The following TENT5B variants were observed in gnomAD, a reference collection of about 807,000 sequenced individuals.
TENT5B encodes terminal nucleotidyltransferase 5B.
Under a neutral mutation model 21.7 loss-of-function variants are expected in TENT5B, and 12 were observed. The ratio of observed to expected loss-of-function variants is 0.55; its 90% CI spans 0.36 to 0.90. TENT5B has a LOEUF of 0.90. Ranked by LOEUF, TENT5B falls within the 40% of genes least tolerant of loss-of-function variation. TENT5B has a pLI of 0.01. For missense variants in TENT5B, 540 were observed against 601.5 expected, an observed-to-expected ratio of 0.90 and a Z score of 1.07; for synonymous variants, 262 against 266.6, an observed-to-expected ratio of 0.98 and a Z score of 0.17.
chr1:27,009,061 C>T (rs1275728733), intron 1 of TENT5B, among the ~76,000 whole-genome samples: 1 of 126,394 alleles, frequency 7.9e-6, no homozygotes, highest in African/African-American at 3.0e-5. Context: ...TGCAGTGGCA[C>T]GATCTCAGCT....
intron 1 of TENT5B, 133 bp downstream of exon 1, chr1:27,012,274 G>C: frequency 7.3e-7 from 1 of 1,360,766 alleles, no homozygotes; most frequent in Non-Finnish European, 1.0e-6. Context: ...ATAATGCTGT[G>C]CAATTGTTAC....
chr1:27,010,980 T>C (rs1458745206), intron 1 of TENT5B, among the ~76,000 whole-genome samples: 1 of 152,050 alleles, frequency 6.6e-6, no homozygotes, highest in Non-Finnish European at 1.5e-5. Context: ...GGGTATCCCT[T>C]GTTCTTGCAG....
At position 27,005,343 on chromosome 1, in the gene TENT5B, G is replaced by C. The variant is rs2082591254; in HGVS notation, c.*601C>G. 6.5e-6 allele frequency: 1 copy of C among 152,750 alleles called. No individual in the cohort carries two copies. 9.5% of individuals were successfully genotyped at this position (152,750 alleles called of 1,614,324 possible). ...AACCCCTCAAGAGGAAGGCTTCACA[G>C]CTGGGGGTATGTAGTTCAGAGAACC... On this transcript the variant is annotated 3_prime_UTR_variant, in exon 2 of 2. Coordinates refer to ENST00000289166, the MANE Select transcript of TENT5B (RefSeq NM_052943.4).
In TENT5B at chr1:27,012,493, G is replaced by A; in HGVS notation, c.178C>T (p.Leu60=). The A allele has an allele frequency of 6.2e-7, 1 of 1,609,672 alleles. No homozygotes were observed. The highest frequency in any genetic ancestry group is 8.5e-7 in the Non-Finnish European group (1 of 1,179,588). The change falls in exon 1 of 2, where the codon CTG becomes TTG. Residue 60 remains leucine (L), a synonymous_variant. Transcript: ENST00000289166. The part of the protein sequence containing the change: ...SGLSWPQVKR[L]DALLSEPIPI... ...ATCGGCTCGCTCAGAAGAGCGTCCA[G>A]TCGCTTCACCTGTGGCCAGCTCAGC...
At chr1:27,011,335 C>G (rs1273293726) in intron 1 of TENT5B, among the ~76,000 whole-genome samples, 1 of 152,154 alleles carries the variant, frequency 6.6e-6, no homozygotes, top group African/African-American at 2.4e-5. Context: ...CCAAAGGAAG[C>G]CATCAGTTGG....
At position 27,005,915 on chromosome 1, in the gene TENT5B, A is replaced by T. The variant is rs199666968; in HGVS notation, c.*29T>A. 5.2e-6 allele frequency: 8 copies of T among 1,524,316 alleles called. No individual in the cohort carries two copies. Among genetic ancestry groups the T allele is most frequent in the Admixed American group, 2.1e-5 (1 of 46,654 alleles). 94.4% of individuals were successfully genotyped at this position (1,524,316 alleles called of 1,614,324 possible). On this transcript the variant is annotated 3_prime_UTR_variant, in exon 2 of 2. Transcript: ENST00000289166. Reference sequence around the variant, plus strand: ...GGCCCCACCCCACCCCGTGAGGCCCAGTCCCTTCCCTTCTGGCCAGGGTCT... The same window carrying T: ...GGCCCCACCCCACCCCGTGAGGCCCTGTCCCTTCCCTTCTGGCCAGGGTCT...
At chr1:27,010,806 A>G (rs1057089149) in intron 1 of TENT5B, among the ~76,000 whole-genome samples, 2 of 152,156 alleles carry the variant, frequency 1.3e-5, no homozygotes, top group African/African-American at 4.8e-5. Flanking sequence ...GTTAGCTTCT[A>G]TTGACCTGGA....
intron 1 of TENT5B, among the ~76,000 whole-genome samples, chr1:27,010,422 C>G (rs2082618299): frequency 6.6e-6 from 1 of 151,834 alleles, no homozygotes; most frequent in African/African-American, 2.4e-5. Flanking sequence ...CTCCCCCTCT[C>G]CCCGCCCCCA....
Position 27,005,891 on chromosome 1 carries a change from GC to G in TENT5B, c.*52del, listed in dbSNP as rs1318796396. 6 of 1,512,336 alleles carry G rather than the reference GC, an allele frequency of 4.0e-6. No homozygotes were observed. Among genetic ancestry groups the G allele is most frequent in the Non-Finnish European group, 5.3e-6 (6 of 1,130,586 alleles). 93.7% of individuals were successfully genotyped at this position (1,512,336 alleles called of 1,614,324 possible). A position where few individuals can be genotyped will look rare whatever the true frequency, so the allele number is the denominator to read the frequency against. ...TCATGTCCTCCACACACTCTTGGAG[GC>G]CCCACCCCACCCCGTGAGGCCCAGT... On this transcript the variant is annotated 3_prime_UTR_variant, in exon 2 of 2. Coordinates refer to ENST00000289166, the MANE Select transcript of TENT5B (RefSeq NM_052943.4).
chr1:27,006,340 G>A lies in TENT5B; in HGVS notation c.882C>T (p.Pro294=), dbSNP rs989587212. Reference sequence around the variant, plus strand: ...GCTGCAGGGCGCGCACATCGGTGCTGGGCCGGGGCCGGAAGCCCCGCACCA... The same window carrying A: ...GCTGCAGGGCGCGCACATCGGTGCTAGGCCGGGGCCGGAAGCCCCGCACCA... ...HLLVRGFRPR[P]STDVRALQRY... is the part of the protein sequence containing the mutation. Residue 294 remains proline (P), a synonymous_variant, in exon 2 of 2, where the codon CCC becomes CCT. Coordinates refer to ENST00000289166, the MANE Select transcript of TENT5B (RefSeq NM_052943.4). The surrounding 1 kb of genome is among the most constrained non-coding windows in gnomAD (Gnocchi z 9.4). 2 of 1,610,888 alleles carry A rather than the reference G, an allele frequency of 1.2e-6. No individual in the cohort carries two copies. The highest frequency in any genetic ancestry group is 1.7e-6 in the Non-Finnish European group (2 of 1,178,600).
At position 27,012,310 on chromosome 1, in the gene TENT5B, CCTAG is replaced by C. The variant is rs1195567130; in HGVS notation, c.264+93_264+96del. 11 of 1,526,084 alleles carry C rather than the reference CCTAG, an allele frequency of 7.2e-6. No homozygotes were observed. In the Admixed American group the frequency reaches 8.0e-5, roughly 11 times the overall value. 94.5% of individuals were successfully genotyped at this position (1,526,084 alleles called of 1,614,324 possible). ...AGCCATGTCCCCGTTCCTCAGTTTC[CCTAG>C]CTGTCTAGAAAGTCAAACAGACTAC... On this transcript the variant is annotated intron_variant, in intron 1 of 1. Coordinates refer to ENST00000289166, the MANE Select transcript of TENT5B (RefSeq NM_052943.4).
chr1:27,012,179 G>A (rs2082626911), intron 1 of TENT5B, among the ~76,000 whole-genome samples: 1 of 152,156 alleles, frequency 6.6e-6, no homozygotes. Context: ...TGATCCGTGG[G>A]GAATCAGGGT....
chr1:27,006,079 G>A lies in TENT5B; in HGVS notation c.1143C>T (p.Gly381=). ...ALALQALAEQ[G]PAATAALAWR... ...AGGCCAGGGCGGCAGTGGCAGCTGG[G>A]CCCTGCTCAGCCAGTGCCTGCAGCG... The change falls in exon 2 of 2, where the codon GGC becomes GGT. Residue 381 remains glycine (G), a synonymous_variant. Coordinates refer to ENST00000289166, the MANE Select transcript of TENT5B (RefSeq NM_052943.4). This position sits in a 1 kb window ranked among gnomAD's most constrained non-coding sequence, Gnocchi z 9.4. 1 of 1,610,438 alleles carries A rather than the reference G, an allele frequency of 6.2e-7. No individual in the cohort carries two copies. Among genetic ancestry groups the A allele is most frequent in the African/African-American group, 1.3e-5 (1 of 75,016 alleles).
Position 27,006,338 on chromosome 1 carries a change from C to T in TENT5B, c.884G>A (p.Ser295Asn). Residue 295 changes from serine (S) to asparagine (N), a missense_variant, in exon 2 of 2, where the codon AGC (serine) becomes AAC (asparagine). Transcript: ENST00000289166. This position sits in a 1 kb window ranked among gnomAD's most constrained non-coding sequence, Gnocchi z 9.4. ...LLVRGFRPRP[S>N]TDVRALQRYM... Reference sequence around the variant, plus strand: ...GCGCTGCAGGGCGCGCACATCGGTGCTGGGCCGGGGCCGGAAGCCCCGCAC... The same window carrying T: ...GCGCTGCAGGGCGCGCACATCGGTGTTGGGCCGGGGCCGGAAGCCCCGCAC... 1.9e-6 allele frequency: 3 copies of T among 1,610,946 alleles called. No individual in the cohort carries two copies. Among genetic ancestry groups the T allele is most frequent in the Non-Finnish European group, 1.7e-6 (2 of 1,178,650 alleles).
At chr1:27,008,614 C>CT (rs994667195) in intron 1 of TENT5B, among the ~76,000 whole-genome samples, 1,565 of 146,884 alleles carry the variant, frequency 0.011, 20 homozygotes, top group African/African-American at 0.035. Context: ...GGACAGGTGT[C>CT]TTTTTTTTTT....
chr1:27,006,284 A>C lies in TENT5B; in HGVS notation c.938T>G (p.Phe313Cys). The C allele has an allele frequency of 1.2e-6, 2 of 1,612,268 alleles. No individual in the cohort carries two copies. The highest frequency in any genetic ancestry group is 1.7e-6 in the Non-Finnish European group (2 of 1,179,402). The change falls in exon 2 of 2, where the codon TTT becomes TGT. Residue 313 changes from phenylalanine (F) to cysteine (C), a missense_variant. By Grantham distance (205) the Phe-to-Cys change is radical. Transcript: ENST00000289166. This position sits in a 1 kb window ranked among gnomAD's most constrained non-coding sequence, Gnocchi z 9.4. ...GCGCCGCTGCTCCACCAGGTCTGGA[A>C]AGTCGATGAAGAAGCGGGAGCACAT... Reference protein sequence around the residue: ...RYMCSRFFIDFPDLVEQRRTL... With the variant: ...RYMCSRFFIDCPDLVEQRRTL...
chr1:27,012,350 CAGCCACGAG>C, intron 1 of TENT5B, 48 bp downstream of exon 1: 1 of 1,571,312 alleles, frequency 6.4e-7, no homozygotes, highest in Non-Finnish European at 8.6e-7. Flanking sequence ...AAATGCCTTC[CAGCCACGAG>C]AGCCTCAGAA....
In TENT5B at chr1:27,006,396, C is replaced by T. The variant is rs748891972; in HGVS notation, c.826G>A (p.Gly276Ser). ...IATRSPEEIR[G>S]GGLLKYCHLL... ...TGGCAGTACTTGAGGAGGCCACCAC[C>T]TCGGATCTCCTCGGGACTGCGCGTG... Residue 276 changes from glycine to serine, a missense_variant, in exon 2 of 2, where the codon GGT becomes AGT. By Grantham distance (56) the Gly-to-Ser change is moderately conservative (BLOSUM62 0). Transcript: ENST00000289166. The surrounding 1 kb of genome is among the most constrained non-coding windows in gnomAD (Gnocchi z 9.4). The T allele has an allele frequency of 1.2e-6, 2 of 1,613,004 alleles. No homozygotes were observed. The highest frequency in any genetic ancestry group is 1.3e-5 in the African/African-American group (1 of 75,050).
rs776800126 is a variant in TENT5B at position 27,012,397 on chromosome 1, G to C, written c.264+10C>G. Reference sequence around the variant, plus strand: ...GATTCCCCCACATCCCCCGCCTGGCGTCCTCTCACCTGCACGATCTGCCGG... The same window carrying C: ...GATTCCCCCACATCCCCCGCCTGGCCTCCTCTCACCTGCACGATCTGCCGG... On this transcript the variant is annotated intron_variant, in intron 1 of 1. Coordinates refer to ENST00000289166, the MANE Select transcript of TENT5B (RefSeq NM_052943.4). 1.6e-5 allele frequency: 25 copies of C among 1,610,254 alleles called. No individual in the cohort carries two copies. Among genetic ancestry groups the C allele is most frequent in the Middle Eastern group, 1.7e-4 (1 of 6,056 alleles).
Sources: allele counts gnomAD v4.1 joint callset (sites outside exome capture counted in the v4.1 genomes callset), GRCh38; gene constraint gnomAD v4.1.1; non-coding constraint Gnocchi (gnomAD v3.1); transcripts MANE v1.5; gene names NCBI Gene and HGNC (gene_info 2026-07-23, HGNC 2026-07-21).